NYAP2: variants seen among roughly 807,000 people sequenced by gnomAD.
NYAP2 encodes neuronal tyrosine-phosphorylated phosphoinositide-3-kinase adapter 2.
Under a neutral mutation model 50.4 loss-of-function variants are expected in NYAP2, and 23 were observed. That is an observed-to-expected ratio of 0.46 (90% CI 0.33 to 0.65). The LOEUF is 0.65. Among genes scored for constraint, NYAP2 ranks in the 30% least tolerant of loss-of-function variants. The pLI is 0.02. For synonymous variants in NYAP2, 394 were observed against 365.2 expected (o/e 1.08, Z -0.90); for missense variants, 885 against 861.0 (o/e 1.03, Z -0.35).
chr2:225,455,776 A>G (rs1241738593), intron 3 of NYAP2, among the ~76,000 whole-genome samples: 1 of 152,242 alleles, frequency 6.6e-6, no homozygotes, highest in Non-Finnish European at 1.5e-5. Flanking sequence ...CTCCAGGACC[A>G]TACTTTATGA....
chr2:225,455,471 C>T (rs982801167), intron 3 of NYAP2, among the ~76,000 whole-genome samples: 1 of 152,166 alleles, frequency 6.6e-6, no homozygotes, highest in Admixed American at 6.5e-5. Context: ...CTTCAATATA[C>T]AGTCCAATGA....
At chr2:225,477,703 A>G (rs1690140530) in intron 3 of NYAP2, among the ~76,000 whole-genome samples, 2 of 152,196 alleles carry the variant, frequency 1.3e-5, no homozygotes, top group South Asian at 4.1e-4. Context: ...GTTTAGATAC[A>G]TACACACATA....
At chr2:225,602,987 A>G (rs1239081398) in intron 5 of NYAP2, among the ~76,000 whole-genome samples, 6 of 152,148 alleles carry the variant, frequency 3.9e-5, no homozygotes, top group Non-Finnish European at 7.4e-5. Context: ...TCTGCAAAAA[A>G]AAAAGTTATT....
intron 4 of NYAP2, among the ~76,000 whole-genome samples, chr2:225,515,383 A>C (rs938175252): frequency 5.3e-5 from 8 of 152,342 alleles, no homozygotes; most frequent in Admixed American, 4.6e-4. Context: ...AGAAGTGTAC[A>C]GCCAAGTAAT....
chr2:225,575,135 C>T (rs546223390), intron 4 of NYAP2, among the ~76,000 whole-genome samples: 5 of 152,160 alleles, frequency 3.3e-5, no homozygotes, highest in Non-Finnish European at 5.9e-5. Flanking sequence ...AGGTACATTT[C>T]GTATATTCTG....
At chr2:225,628,711 C>A (rs564003439) in intron 6 of NYAP2, among the ~76,000 whole-genome samples, 8 of 152,164 alleles carry the variant, frequency 5.3e-5, no homozygotes, top group African/African-American at 1.9e-4. Flanking sequence ...TAGTTTGGGG[C>A]TTATCAGTAG....
intron 4 of NYAP2, among the ~76,000 whole-genome samples, chr2:225,555,978 G>A (rs192567815): frequency 8.5e-5 from 13 of 152,234 alleles, no homozygotes; most frequent in Non-Finnish European, 1.5e-4. Flanking sequence ...GTTTCTATAA[G>A]CAGTCATTAC....
chr2:225,407,511 CTGAAA>C (rs1376323563), intron 2 of NYAP2, among the ~76,000 whole-genome samples: 1 of 151,722 alleles, frequency 6.6e-6, no homozygotes, highest in East Asian at 1.9e-4. Flanking sequence ...TGACTGGCAG[CTGAAA>C]TGCTAATAAA....
chr2:225,656,572 G>A (rs866061290), downstream of NYAP2, among the ~76,000 whole-genome samples: 25 of 152,204 alleles, frequency 1.6e-4, no homozygotes, highest in African/African-American at 4.6e-4. Flanking sequence ...TGTCAGCACC[G>A]GCTGGCAATC....
intron 3 of NYAP2, among the ~76,000 whole-genome samples, chr2:225,474,650 A>G (rs1574633167): frequency 6.6e-6 from 1 of 152,170 alleles, no homozygotes; most frequent in African/African-American, 2.4e-5. Flanking sequence ...TGATTTTTGC[A>G]CATTGATTTT....
At chr2:225,554,673 T>A (rs1428105685) in intron 4 of NYAP2, among the ~76,000 whole-genome samples, 1 of 151,984 alleles carries the variant, frequency 6.6e-6, no homozygotes, top group African/African-American at 2.4e-5. Flanking sequence ...GTTGGGATTG[T>A]AGGGATTGGG....
At chr2:225,483,487 G>A (rs1574637409) in intron 3 of NYAP2, among the ~76,000 whole-genome samples, 1 of 152,134 alleles carries the variant, frequency 6.6e-6, no homozygotes, top group Admixed American at 6.5e-5. Context: ...TGTGGAACTG[G>A]TAAACATTGG....
intron 3 of NYAP2, among the ~76,000 whole-genome samples, chr2:225,481,081 CA>C (rs1690198994): frequency 6.6e-6 from 1 of 152,054 alleles, no homozygotes; most frequent in African/African-American, 2.4e-5. Context: ...TCCATGAAAT[CA>C]AAGGGAAAAC....
At chr2:225,586,173 C>G (rs893198641) in intron 5 of NYAP2, among the ~76,000 whole-genome samples, 1 of 152,008 alleles carries the variant, frequency 6.6e-6, no homozygotes, top group African/African-American at 2.4e-5. Context: ...AAAATGTATA[C>G]CTTAAACTCA....
the NYAP2 span, among the ~76,000 whole-genome samples, chr2:225,684,919 C>T: frequency 6.6e-6 from 1 of 152,122 alleles, no homozygotes; most frequent in Non-Finnish European, 1.5e-5. Flanking sequence ...ACCCACTGGT[C>T]TGTTCTAACC....
intron 5 of NYAP2, among the ~76,000 whole-genome samples, chr2:225,619,608 A>G (rs1693054530): frequency 6.6e-6 from 1 of 152,164 alleles, no homozygotes. Context: ...GTGGCCCAGG[A>G]TCCAGGACAC....
In NYAP2 at chr2:225,536,378, C is replaced by A. The variant is rs568092646; in HGVS notation, c.523+22706C>A. 1.1e-4 allele frequency among the ~76,000 whole-genome samples: 17 copies of A among 152,308 alleles called. No individual in the cohort carries two copies. In the South Asian group the frequency reaches 3.5e-3, roughly 32 times the overall value. The stretch of plus-strand genomic sequence containing the variant: ...TGGCATTACCTGCATGAAATGGTGG[C>A]CTATTTCCCCCTGGCCTTTGGGAAA... On this transcript the variant is annotated intron_variant, in intron 4 of 6. Coordinates refer to ENST00000636099, the Ensembl canonical transcript of NYAP2.
chr2:225,446,266 A>C (rs868821354), intron 3 of NYAP2, among the ~76,000 whole-genome samples: 101 of 137,342 alleles, frequency 7.4e-4, no homozygotes, highest in African/African-American at 1.8e-3. Flanking sequence ...ATATATATAT[A>C]TATATATATA....
chr2:225,594,078 G>A (rs1044141904), intron 5 of NYAP2, among the ~76,000 whole-genome samples: 28 of 151,962 alleles, frequency 1.8e-4, no homozygotes, highest in Admixed American at 1.6e-3. Context: ...CATCGGTTTC[G>A]GTACAAATGA....
Sources: allele counts gnomAD v4.1 joint callset (sites outside exome capture counted in the v4.1 genomes callset), GRCh38; gene constraint gnomAD v4.1.1; transcripts MANE v1.5; gene names NCBI Gene and HGNC (gene_info 2026-07-23, HGNC 2026-07-21).